The following SEPTIN11 variants were observed in gnomAD, a reference collection of about 807,000 sequenced individuals.
SEPTIN11 encodes septin-11.
SEPTIN11 carries 25 observed loss-of-function variants against 51.4 expected under a neutral mutation model. The observed-to-expected ratio is 0.49, with a 90% confidence interval of 0.35 to 0.68. The LOEUF (loss-of-function observed/expected upper bound fraction) is 0.68, where lower values mean the gene tolerates loss of function less well. Ranked by LOEUF, SEPTIN11 falls within the 30% of genes least tolerant of loss-of-function variation. The pLI, the probability that SEPTIN11 is intolerant of heterozygous loss-of-function variation, is 0.00. For synonymous variants in SEPTIN11, 174 were observed against 184.1 expected, an observed-to-expected ratio of 0.95 and a Z score of 0.44; for missense variants, 381 against 520.8, an observed-to-expected ratio of 0.73 and a Z score of 2.61.
chr4:77,003,129 C>G (rs1190202543), intron 2 of SEPTIN11, among the ~76,000 whole-genome samples: 1 of 152,172 alleles, frequency 6.6e-6, no homozygotes, highest in African/African-American at 2.4e-5. Flanking sequence ...CATGCCATCA[C>G]GCTGTGTGGG....
intron 2 of SEPTIN11, among the ~76,000 whole-genome samples, chr4:77,002,605 T>C (rs1331551309): frequency 1.3e-5 from 2 of 152,194 alleles, no homozygotes; most frequent in African/African-American, 4.8e-5. Flanking sequence ...GTACCTTCGG[T>C]ATTGACTAGC....
chr4:77,019,715 A>G (rs1725560395), intron 6 of SEPTIN11, among the ~76,000 whole-genome samples: 1 of 152,214 alleles, frequency 6.6e-6, no homozygotes. Flanking sequence ...TATATTTGGC[A>G]CTGTGGGACA....
Position 76,949,771 on chromosome 4 carries a change from C to A in SEPTIN11, c.-133C>A. The A allele has an allele frequency of 1.0e-6, 1 of 954,456 alleles. No individual in the cohort carries two copies. The allele number at this position is 954,456 out of a possible 1,614,324, so 59.1% of individuals were successfully genotyped here. A position where few individuals can be genotyped will look rare whatever the true frequency, so the allele number is the denominator to read the frequency against. The stretch of plus-strand genomic sequence containing the variant: ...TGGGGGGAGCAGATGCCGCTGGCTG[C>A]CAGCGGGACGCCGGCGAGCAGAGCG... On this transcript the variant is annotated 5_prime_UTR_variant, in exon 1 of 10. Transcript: ENST00000264893.
chr4:77,025,413 T>C (rs1726048312), intron 7 of SEPTIN11, among the ~76,000 whole-genome samples: 2 of 152,006 alleles, frequency 1.3e-5, no homozygotes, highest in African/African-American at 4.8e-5. Context: ...TGGTGGCACA[T>C]GCTTGTGTTT....
At chr4:77,015,909 C>T (rs552544449) in intron 5 of SEPTIN11, among the ~76,000 whole-genome samples, 24 of 152,224 alleles carry the variant, frequency 1.6e-4, no homozygotes, top group Non-Finnish European at 3.1e-4. Context: ...GGTCCCATTA[C>T]GAAGTGAGTG....
chr4:76,995,150 G>A (rs1450493178), intron 1 of SEPTIN11, among the ~76,000 whole-genome samples: 2 of 150,840 alleles, frequency 1.3e-5, no homozygotes, highest in South Asian at 2.1e-4. Flanking sequence ...TTGGGAGGCC[G>A]ACGCGGGCAG....
At chr4:76,982,941 T>C (rs994602788) in intron 1 of SEPTIN11, among the ~76,000 whole-genome samples, 2 of 152,078 alleles carry the variant, frequency 1.3e-5, no homozygotes, top group Non-Finnish European at 1.5e-5. Flanking sequence ...TTTTTTGTTG[T>C]TTTTTGTTTT....
chr4:77,016,633 C>CACACAT (rs1375044162), intron 5 of SEPTIN11, among the ~76,000 whole-genome samples: 10 of 72,748 alleles, frequency 1.4e-4, no homozygotes, highest in African/African-American at 4.2e-4. Flanking sequence ...TATATATACA[C>CACACAT]ATATATATAT....
chr4:76,972,174 G>A (rs1722279449), intron 1 of SEPTIN11, among the ~76,000 whole-genome samples: 1 of 152,100 alleles, frequency 6.6e-6, no homozygotes, highest in African/African-American at 2.4e-5. Flanking sequence ...ATCTTGTTGA[G>A]GTTCATCCTT....
At chr4:76,951,920 A>G (rs551626998) in intron 1 of SEPTIN11, among the ~76,000 whole-genome samples, 56 of 152,352 alleles carry the variant, frequency 3.7e-4, no homozygotes, top group African/African-American at 1.3e-3. Context: ...GTATACGTGC[A>G]CAGAGGAAGT....
intron 2 of SEPTIN11, among the ~76,000 whole-genome samples, chr4:76,997,732 G>A (rs1286103667): frequency 2.6e-5 from 4 of 152,202 alleles, no homozygotes; most frequent in Non-Finnish European, 4.4e-5. Context: ...ACAGAGTGGC[G>A]TGAATGGGTT....
At chr4:76,976,146 T>C (rs966856035) in intron 1 of SEPTIN11, among the ~76,000 whole-genome samples, 5 of 152,204 alleles carry the variant, frequency 3.3e-5, no homozygotes, top group Admixed American at 2.6e-4. Context: ...TATCTACTTA[T>C]ATACTTAAAG....
At chr4:77,015,070 G>C in intron 5 of SEPTIN11, 53 bp downstream of exon 5, 1 of 1,577,254 alleles carries the variant, frequency 6.3e-7, no homozygotes, top group Non-Finnish European at 8.7e-7. Flanking sequence ...GCCTGTCTTA[G>C]TAGCAGCATT....
At chr4:76,958,926 CCTT>C in intron 1 of SEPTIN11, 2 of 1,378,046 alleles carry the variant, frequency 1.5e-6, no homozygotes, top group Non-Finnish European at 2.1e-6. Context: ...ACCTTTTGTC[CCTT>C]CTTAAAAAAC....
chr4:77,035,672 C>G lies in SEPTIN11; in HGVS notation c.*1160C>G. 1.0e-6 allele frequency: 1 copy of G among 985,814 alleles called. No individual in the cohort carries two copies. Among genetic ancestry groups the G allele is most frequent in the Non-Finnish European group, 1.2e-6 (1 of 829,922 alleles). 61.1% of individuals were successfully genotyped at this position (985,814 alleles called of 1,614,324 possible). On this transcript the variant is annotated 3_prime_UTR_variant, in exon 10 of 10. Transcript: ENST00000264893. The stretch of plus-strand genomic sequence containing the variant: ...AGAAGAAATAGAACAGCTGAAGTCT[C>G]AAATCATTGTCTGGAATTTTCCTCA...
intron 5 of SEPTIN11, among the ~76,000 whole-genome samples, chr4:77,018,367 T>C (rs1157643258): frequency 6.6e-6 from 1 of 151,182 alleles, no homozygotes; most frequent in Non-Finnish European, 1.5e-5. Context: ...GAGAATGGCG[T>C]GAACCCGGAG....
intron 1 of SEPTIN11, among the ~76,000 whole-genome samples, chr4:76,973,405 A>G (rs1471127044): frequency 2.6e-5 from 4 of 152,182 alleles, no homozygotes; most frequent in Admixed American, 2.6e-4. Context: ...GCGTGTGTGC[A>G]TGATACAGCA....
intron 3 of SEPTIN11, among the ~76,000 whole-genome samples, chr4:77,011,436 C>T (rs1406247170): frequency 6.7e-6 from 1 of 150,228 alleles, no homozygotes; most frequent in Non-Finnish European, 1.5e-5. Flanking sequence ...TGAATGTTAG[C>T]CAGGAGAAGA....
intron 1 of SEPTIN11, among the ~76,000 whole-genome samples, chr4:76,961,295 G>C (rs954519276): frequency 6.6e-6 from 1 of 151,912 alleles, no homozygotes; most frequent in Admixed American, 6.6e-5. Context: ...TATTTTTTTA[G>C]TTTAAGGCGA....
Sources: allele counts gnomAD v4.1 joint callset (sites outside exome capture counted in the v4.1 genomes callset), GRCh38; gene constraint gnomAD v4.1.1; transcripts MANE v1.5; gene names NCBI Gene and HGNC (gene_info 2026-07-23, HGNC 2026-07-21).